Variants in ITLN2 observed in about 807,000 individuals in gnomAD.
ITLN2 encodes intelectin 2, also known as intelectin-2.
ITLN2 carries 29 observed loss-of-function variants against 39.4 expected under a neutral mutation model. That is an observed-to-expected ratio of 0.74 (90% CI 0.55 to 1.00). The LOEUF (loss-of-function observed/expected upper bound fraction) is 1.00. Among genes scored for constraint, ITLN2 ranks in the 50% least tolerant of loss-of-function variants. The pLI is 0.00. For missense variants in ITLN2, 412 were observed against 416.7 expected (o/e 0.99, Z 0.10); for synonymous variants, 156 against 153.4 (o/e 1.02, Z -0.12).
chr1:160,945,407 A>G (rs887579283), intron 7 of ITLN2, 115 bp from the exon 8 acceptor site: 1 of 933,172 alleles, frequency 1.1e-6, no homozygotes, highest in Non-Finnish European at 1.5e-6. Context: ...TCGGCCTCCC[A>G]AAGTGCTAGG....
Position 160,953,483 on chromosome 1 carries a change from G to A in ITLN2, c.80-750C>T, listed in dbSNP as rs767891405. On this transcript the variant is annotated intron_variant, in intron 2 of 7. Coordinates refer to ENST00000368029, the MANE Select transcript of ITLN2 (RefSeq NM_080878.3). The stretch of plus-strand genomic sequence containing the variant: ...TCCCAGCACTTTCGGAGGCCGAGGA[G>A]GGTGGATCACAAGATCAGGAGTTCA... Among the ~76,000 whole-genome samples the A allele has an allele frequency of 1.1e-4, 16 of 152,232 alleles. 1 individual carries two copies. The highest frequency in any genetic ancestry group is 7.8e-4 in the Admixed American group (12 of 15,298).
intron 7 of ITLN2, 61 bp downstream of exon 7, chr1:160,947,868 A>G: frequency 3.5e-6 from 4 of 1,137,640 alleles, no homozygotes; most frequent in Non-Finnish European, 5.3e-6. Flanking sequence ...TAGACACAGT[A>G]ACAATCTGAT....
At chr1:160,945,833 T>G (rs1671588806) in intron 7 of ITLN2, among the ~76,000 whole-genome samples, 1 of 152,058 alleles carries the variant, frequency 6.6e-6, no homozygotes, top group Admixed American at 6.6e-5. Flanking sequence ...CTCCCACCAC[T>G]ACAACTGTGG....
At chr1:160,950,255 T>G in intron 5 of ITLN2, 89 bp from the exon 6 acceptor site, 1 of 1,376,444 alleles carries the variant, frequency 7.3e-7, no homozygotes, top group Non-Finnish European at 1.0e-6. Flanking sequence ...TAACTGCCAT[T>G]ACCCAAAACC....
intron 1 of ITLN2, 131 bp from the exon 2 acceptor site, chr1:160,954,581 C>T (rs961174301): frequency 5.7e-6 from 7 of 1,222,764 alleles, no homozygotes; most frequent in East Asian, 2.5e-5. Context: ...ATTCTAAAAC[C>T]TCCTGGAATA....
At chr1:160,947,527 T>C (rs1472162616) in intron 7 of ITLN2, among the ~76,000 whole-genome samples, 1 of 152,202 alleles carries the variant, frequency 6.6e-6, no homozygotes, top group Non-Finnish European at 1.5e-5. Flanking sequence ...CATGAGGCCA[T>C]ATCTCAGGCT....
rs777310573 is a variant in ITLN2 at position 160,948,003 on chromosome 1, G to C, written c.751C>G (p.Arg251Gly). 1.2e-6 allele frequency: 2 copies of C among 1,613,988 alleles called. No homozygotes were observed. Among genetic ancestry groups the C allele is most frequent in the Non-Finnish European group, 1.7e-6 (2 of 1,179,954 alleles). Residue 251 changes from arginine (R) to glycine (G), a missense_variant, in exon 7 of 8, where the codon CGG becomes GGG. Coordinates refer to ENST00000368029, the MANE Select transcript of ITLN2 (RefSeq NM_080878.3). Reference protein sequence around the residue: ...REFVAGFVQFRVFNNERAANA... With the variant: ...REFVAGFVQFGVFNNERAANA... ...GCTGCTCTCTCGTTATTAAACACCC[G>C]GAACTGAACGAATCCTGCAACAAAT...
intron 6 of ITLN2, chr1:160,948,969 C>T (rs1305666039): frequency 6.6e-6 from 1 of 152,182 alleles, no homozygotes; most frequent in African/African-American, 2.4e-5. Context: ...GGAGGACCCG[C>T]ACCAGCACCA....
chr1:160,949,514 T>C, intron 6 of ITLN2: 1 of 160,168 alleles, frequency 6.2e-6, no homozygotes, highest in South Asian at 2.0e-4. Flanking sequence ...ATTGTGTCCC[T>C]GGGTACTTGA....
chr1:160,950,989 C>T, intron 4 of ITLN2, 54 bp downstream of exon 4: 4 of 1,613,888 alleles, frequency 2.5e-6, no homozygotes, highest in Non-Finnish European at 3.4e-6. Flanking sequence ...AGGCTGGTGG[C>T]CAGCCACACT....
chr1:160,950,734 C>CA, intron 4 of ITLN2, 23 bp from the exon 5 acceptor site: 1 of 1,602,252 alleles, frequency 6.2e-7, no homozygotes, highest in South Asian at 1.1e-5. Context: ...AGACACTGAG[C>CA]CTGACTGGGC....
chr1:160,951,570 G>A, intron 3 of ITLN2: 1 of 347,688 alleles, frequency 2.9e-6, no homozygotes, highest in Middle Eastern at 8.2e-4. Context: ...CCTGTGGCCA[G>A]GAGAGGCCAG....
chr1:160,946,084 A>T (rs1025901728), intron 7 of ITLN2, among the ~76,000 whole-genome samples: 2 of 152,048 alleles, frequency 1.3e-5, no homozygotes, highest in African/African-American at 4.8e-5. Flanking sequence ...AAGTGGGCAG[A>T]TTGCCTGAGG....
rs1161922190 is a variant in ITLN2 at position 160,947,971 on chromosome 1, GGC to G, written c.781_782del (p.Ala261ProfsTer11). ...RVFNNERAAN[A>X]LCAGIKVTGC... ...CAGTAACTTTTATCCCAGCACAAAGGGCGTTGGCTGCTCTCTCGTTATTAAAC... is the reference window on the plus strand; with the variant it reads ...CAGTAACTTTTATCCCAGCACAAAGGGTTGGCTGCTCTCTCGTTATTAAAC... On this transcript the variant is annotated frameshift_variant, in exon 7 of 8. Coordinates refer to ENST00000368029, the MANE Select transcript of ITLN2 (RefSeq NM_080878.3). LOFTEE classifies it high-confidence loss of function. The G allele has an allele frequency of 1.2e-6, 2 of 1,613,856 alleles. No individual in the cohort carries two copies. The highest frequency in any genetic ancestry group is 4.5e-5 in the East Asian group (2 of 44,896).
chr1:160,950,928 CTT>C (rs1255984485), intron 4 of ITLN2, 113 bp downstream of exon 4: 1 of 1,577,052 alleles, frequency 6.3e-7, no homozygotes, highest in Non-Finnish European at 8.7e-7. Flanking sequence ...GTATTTCTCT[CTT>C]CTTCTCCAGC....
In ITLN2 at chr1:160,950,032, G is replaced by A; in HGVS notation, c.721+14C>T. The A allele has an allele frequency of 6.2e-7, 1 of 1,610,886 alleles. No homozygotes were observed. The highest frequency in any genetic ancestry group is 8.5e-7 in the Non-Finnish European group (1 of 1,177,710). Reference sequence around the variant, plus strand: ...GAAAATATTTATGACTGGACTTAGGGAGCAAACACTCACGTTGACCATACG... The same window carrying A: ...GAAAATATTTATGACTGGACTTAGGAAGCAAACACTCACGTTGACCATACG... On this transcript the variant is annotated intron_variant, in intron 6 of 7. Transcript: ENST00000368029.
At chr1:160,954,301 G>A in intron 2 of ITLN2, 86 bp downstream of exon 2, 1 of 1,046,228 alleles carries the variant, frequency 9.6e-7, no homozygotes, top group Non-Finnish European at 1.4e-6. Flanking sequence ...TGACTTCAGA[G>A]CCCTGCCCAG....
At chr1:160,951,366 C>G (rs1671740303) in intron 3 of ITLN2, 76 bp from the exon 4 acceptor site, 2 of 1,513,918 alleles carry the variant, frequency 1.3e-6, no homozygotes, top group Non-Finnish European at 1.8e-6. Flanking sequence ...TAGAAAAGCC[C>G]TAGGAAGTCA....
chr1:160,954,398 C>T lies in ITLN2; in HGVS notation c.68G>A (p.Gly23Glu), dbSNP rs1380967862. 3 of 1,574,384 alleles carry T rather than the reference C, an allele frequency of 1.9e-6. No homozygotes were observed. Among genetic ancestry groups the T allele is most frequent in the Non-Finnish European group, 2.6e-6 (3 of 1,158,240 alleles). ...CAGAAGCCATTTACCTGCACTGCACCCACTGGTGGCCACAGAGAAGAATAA... is the reference window on the plus strand; with the variant it reads ...CAGAAGCCATTTACCTGCACTGCACTCACTGGTGGCCACAGAGAAGAATAA... ...FLLFFSVATS[G>E]CSAAAASSLE... The change falls in exon 2 of 8, where the codon GGG becomes GAG. Residue 23 changes from glycine to glutamate, a missense_variant. Transcript: ENST00000368029.
Sources: allele counts gnomAD v4.1 joint callset (sites outside exome capture counted in the v4.1 genomes callset), GRCh38; gene constraint gnomAD v4.1.1; transcripts MANE v1.5; gene names NCBI Gene and HGNC (gene_info 2026-07-23, HGNC 2026-07-21).